The following PARD3B variants were observed in gnomAD, a reference collection of about 807,000 sequenced individuals.
PARD3B encodes the protein partitioning defective 3 homolog B.
Under a neutral mutation model 130.2 loss-of-function variants are expected in PARD3B, and 103 were observed. That is an observed-to-expected ratio of 0.79 (90% CI 0.67 to 0.93). The LOEUF is 0.93. Ranked by LOEUF, PARD3B falls within the 40% of genes least tolerant of loss-of-function variation. The pLI is 0.00. For synonymous variants in PARD3B, 583 were observed against 553.2 expected (o/e 1.05, Z -0.76); for missense variants, 1,609 against 1,499.2 (o/e 1.07, Z -1.21).
rs139892621 is a variant in PARD3B, at chr2:205,512,307, A to G, written c.3180+12276A>G. Among the ~76,000 whole-genome samples, 345 of 152,330 alleles carry G rather than the reference A, an allele frequency of 2.3e-3. 1 individual carries two copies. Among genetic ancestry groups the G allele is most frequent in the Non-Finnish European group, 4.1e-3 (282 of 68,012 alleles). On this transcript the variant is annotated intron_variant, in intron 21 of 22. Coordinates refer to ENST00000406610, the MANE Select transcript of PARD3B (RefSeq NM_001302769.2). The stretch of plus-strand genomic sequence containing the variant: ...ACCACTGAATTTTAGCGAGGCTAAC[A>G]GGAAAACTTCCCATTTACTTTAGTA...
intron 13 of PARD3B, among the ~76,000 whole-genome samples, 178 bp from the exon 14 acceptor site, chr2:205,185,586 C>T (rs1000544223): frequency 6.6e-6 from 1 of 152,108 alleles, no homozygotes; most frequent in Non-Finnish European, 1.5e-5. Context: ...CTTAGATTTC[C>T]TCATACAAGC....
chr2:204,809,530 T>G (rs910953301), intron 2 of PARD3B, among the ~76,000 whole-genome samples: 1 of 151,752 alleles, frequency 6.6e-6, no homozygotes, highest in African/African-American at 2.4e-5. Context: ...TATTGAACAT[T>G]GTCAAAGAAC....
At chr2:205,614,969 G>A (rs1284991496) in intron 22 of PARD3B, among the ~76,000 whole-genome samples, 1 of 152,164 alleles carries the variant, frequency 6.6e-6, no homozygotes, top group Non-Finnish European at 1.5e-5. Flanking sequence ...CTTCAGCCCA[G>A]CCTGTCCTGG....
rs2030859878 is a variant in PARD3B, at chr2:205,122,445, A to G, written c.1165+496A>G. Among the ~76,000 whole-genome samples, 1 of 152,222 alleles carries G rather than the reference A, an allele frequency of 6.6e-6. No homozygotes were observed. The highest frequency in any genetic ancestry group is 2.1e-4 in the South Asian group (1 of 4,834). On this transcript the variant is annotated intron_variant, in intron 8 of 22. Transcript: ENST00000406610. The surrounding 1 kb of genome is among the most constrained non-coding windows in gnomAD (Gnocchi z 4.3). Reference sequence around the variant, plus strand: ...AACATTTAAAACATACCTAATTTCAAAAGCATGTATAATATTTTCTTTCTT... The same window carrying G: ...AACATTTAAAACATACCTAATTTCAGAAGCATGTATAATATTTTCTTTCTT...
At chr2:204,803,665 A>G (rs955257660) in intron 2 of PARD3B, among the ~76,000 whole-genome samples, 1 of 152,110 alleles carries the variant, frequency 6.6e-6, no homozygotes, top group African/African-American at 2.4e-5. Context: ...GTAAGATACT[A>G]TTTTCAAGCC....
At chr2:204,949,542 A>G (rs1689597055) in intron 2 of PARD3B, among the ~76,000 whole-genome samples, 1 of 151,936 alleles carries the variant, frequency 6.6e-6, no homozygotes, top group South Asian at 2.1e-4. Flanking sequence ...GGCTAGTCTC[A>G]AACTCCTGGG....
rs564696186 is a variant in PARD3B at position 205,469,838 on chromosome 2, C to A, written c.3044+29166C>A. On this transcript the variant is annotated intron_variant, in intron 20 of 22. Transcript: ENST00000406610. ...TTTTAAAAAGCTTGACCATTACTTG[C>A]TTGCCTCCAGTATCAAGACACATCT... 6.6e-5 allele frequency among the ~76,000 whole-genome samples: 10 copies of A among 152,330 alleles called. No homozygotes were observed. The South Asian group carries it at 2.1e-3, about 32-fold the overall frequency.
intron 2 of PARD3B, among the ~76,000 whole-genome samples, chr2:204,804,278 A>G (rs576556366): frequency 5.3e-5 from 8 of 152,284 alleles, no homozygotes; most frequent in Non-Finnish European, 1.0e-4. Context: ...ATAAAGATAC[A>G]CATAGACTGA....
rs2032749189 is a variant in PARD3B, at chr2:204,584,890, G to A, written c.120+38771G>A. The stretch of plus-strand genomic sequence containing the variant: ...TGTCGACACAGGTGATGCAAGAGTT[G>A]AAAAGGCAAACTCCAAATGGTGAGG... On this transcript the variant is annotated intron_variant, in intron 1 of 22. Transcript: ENST00000406610. 2.6e-5 allele frequency among the ~76,000 whole-genome samples: 4 copies of A among 152,206 alleles called. No individual in the cohort carries two copies. The South Asian group carries it at 8.3e-4, about 32-fold the overall frequency.
At chr2:204,931,178 T>C (rs1001503246) in intron 2 of PARD3B, among the ~76,000 whole-genome samples, 1 of 152,110 alleles carries the variant, frequency 6.6e-6, no homozygotes, top group Admixed American at 6.6e-5. Flanking sequence ...GATAAGGAGT[T>C]AGCACTTTGG....
intron 11 of PARD3B, among the ~76,000 whole-genome samples, chr2:205,170,016 C>T (rs984514136): frequency 6.6e-6 from 1 of 151,514 alleles, no homozygotes; most frequent in Non-Finnish European, 1.5e-5. Flanking sequence ...CTGCAACCTC[C>T]GCCTCCTCGG....
intron 2 of PARD3B, among the ~76,000 whole-genome samples, chr2:204,931,738 AC>A (rs1248267257): frequency 6.6e-6 from 1 of 151,996 alleles, no homozygotes; most frequent in African/African-American, 2.4e-5. Flanking sequence ...TGGTTAATTC[AC>A]ATAAATCCTC....
chr2:205,526,772 G>A lies in PARD3B; in HGVS notation c.3181-26552G>A, dbSNP rs543385571. ...TTAGTAATTATTGCATTTTTGTATA[G>A]TTAACGCTTAAGGTATGCAATGGCC... On this transcript the variant is annotated intron_variant, in intron 21 of 22. Transcript: ENST00000406610. Among the ~76,000 whole-genome samples, 4 of 152,298 alleles carry A rather than the reference G, an allele frequency of 2.6e-5. No homozygotes were observed. In the East Asian group the frequency reaches 7.7e-4, roughly 29 times the overall value.
intron 2 of PARD3B, among the ~76,000 whole-genome samples, chr2:204,736,937 T>C (rs976167751): frequency 1.3e-5 from 2 of 152,190 alleles, no homozygotes; most frequent in African/African-American, 4.8e-5. Context: ...CACACCATTA[T>C]CTATTGTTTT....
chr2:205,395,429 C>A (rs936423803), intron 18 of PARD3B, among the ~76,000 whole-genome samples: 14 of 152,112 alleles, frequency 9.2e-5, no homozygotes, highest in Non-Finnish European at 1.6e-4. Context: ...ACCACATTCT[C>A]TTGACTTTCT....
rs187400692 is a variant in PARD3B at position 204,669,941 on chromosome 2, T to A, written c.121-16240T>A. Among the ~76,000 whole-genome samples, 40 of 152,166 alleles carry A rather than the reference T, an allele frequency of 2.6e-4. 2 individuals are homozygous for A. Among genetic ancestry groups the A allele is most frequent in the Admixed American group, 1.6e-3 (25 of 15,286 alleles). Reference sequence around the variant, plus strand: ...TGAATAACTCTATTAATGGAAAGGATGGAAAAGTTGGGGGACTCTAAATTC... The same window carrying A: ...TGAATAACTCTATTAATGGAAAGGAAGGAAAAGTTGGGGGACTCTAAATTC... On this transcript the variant is annotated intron_variant, in intron 1 of 22. Transcript: ENST00000406610. This position sits in a 1 kb window ranked among gnomAD's most constrained non-coding sequence, Gnocchi z 4.3.
rs1448591499 is a variant in PARD3B, at chr2:205,035,845, A to ATG, written c.395-11736_395-11735insTG. On this transcript the variant is annotated intron_variant, in intron 3 of 22. Transcript: ENST00000406610. ...TCTATATATCTATATATATATATATAGTGGGCTATATATATATGAGATATA... is the reference window on the plus strand; with the variant it reads ...TCTATATATCTATATATATATATATATGGTGGGCTATATATATATGAGATATA... 2.4e-5 allele frequency among the ~76,000 whole-genome samples: 3 copies of ATG among 123,064 alleles called. No individual in the cohort carries two copies. The Admixed American group carries it at 2.6e-4, about 11-fold the overall frequency. The allele number at this position is 123,064 out of a possible 152,430, so 80.7% of individuals were successfully genotyped here.
intron 18 of PARD3B, among the ~76,000 whole-genome samples, chr2:205,364,516 C>T (rs1012374189): frequency 3.3e-5 from 5 of 152,210 alleles, no homozygotes; most frequent in African/African-American, 4.8e-5. Context: ...GGTAATCTCC[C>T]AGGCTTTAAT....
At chr2:204,897,875 G>T (rs1473332237) in intron 2 of PARD3B, among the ~76,000 whole-genome samples, 1 of 142,130 alleles carries the variant, frequency 7.0e-6, no homozygotes, top group Non-Finnish European at 1.5e-5. Flanking sequence ...AACCTTTAAA[G>T]TAAAAAAAAA....
Sources: allele counts gnomAD v4.1 joint callset (sites outside exome capture counted in the v4.1 genomes callset), GRCh38; gene constraint gnomAD v4.1.1; non-coding constraint Gnocchi (gnomAD v3.1); transcripts MANE v1.5; gene names NCBI Gene and HGNC (gene_info 2026-07-23, HGNC 2026-07-21).